The following TANC2 variants were observed in gnomAD, a reference collection of about 807,000 sequenced individuals.
The protein encoded by TANC2 is protein TANC2.
In TANC2, 26 loss-of-function variants were observed where a neutral mutation model predicts 210.5. That is an observed-to-expected ratio of 0.12 (90% CI 0.09 to 0.17). The LOEUF (loss-of-function observed/expected upper bound fraction) is 0.17, where lower values mean the gene tolerates loss of function less well. Ranked by LOEUF, TANC2 falls within the 10% of genes least tolerant of loss-of-function variation. The pLI is 1.00. For missense variants in TANC2, 2,129 were observed against 2,608.9 expected (o/e 0.82, Z 4.01); for synonymous variants, 931 against 967.1 (o/e 0.96, Z 0.69).
chr17:63,122,152 A>G (rs1020538996), intron 4 of TANC2, among the ~76,000 whole-genome samples: 4 of 152,216 alleles, frequency 2.6e-5, no homozygotes, highest in Non-Finnish European at 4.4e-5. Context: ...GGAATATTTC[A>G]TGTCGGAACT....
chr17:63,212,738 G>A (rs1462348103), intron 7 of TANC2, among the ~76,000 whole-genome samples: 2 of 152,100 alleles, frequency 1.3e-5, no homozygotes, highest in Non-Finnish European at 2.9e-5. Context: ...GACCCTCTTT[G>A]CTTTTAAAAG....
At chr17:63,310,095 A>G (rs2045068086) in intron 9 of TANC2, among the ~76,000 whole-genome samples, 2 of 152,308 alleles carry the variant, frequency 1.3e-5, no homozygotes, top group Non-Finnish European at 2.9e-5. Context: ...GGCAGAACCC[A>G]TAAAGAAAAA....
intron 2 of TANC2, among the ~76,000 whole-genome samples, chr17:63,061,781 T>G (rs934360178): frequency 6.6e-6 from 1 of 152,152 alleles, no homozygotes; most frequent in Non-Finnish European, 1.5e-5. Context: ...TTTGTCACTT[T>G]CCTGCAAATC....
intron 2 of TANC2, among the ~76,000 whole-genome samples, chr17:63,018,318 C>T (rs557671773): frequency 2.6e-5 from 4 of 151,344 alleles, no homozygotes; most frequent in African/African-American, 7.3e-5. Context: ...TGGAGAAACC[C>T]GTCTCTACTA....
At chr17:63,360,869 C>G (rs757525661) in intron 14 of TANC2, among the ~76,000 whole-genome samples, 1 of 152,126 alleles carries the variant, frequency 6.6e-6, no homozygotes, top group Admixed American at 6.5e-5. Context: ...ATTTTTAGCT[C>G]TGACAGATAA....
chr17:63,028,914 A>G (rs1383161735), intron 2 of TANC2, among the ~76,000 whole-genome samples: 1 of 152,128 alleles, frequency 6.6e-6, no homozygotes, highest in Non-Finnish European at 1.5e-5. Context: ...TCAGTAGGAT[A>G]TATCAGTGAA....
chr17:62,993,121 T>A lies in TANC2; in HGVS notation c.-23-16416T>A, dbSNP rs73991864. Among the ~76,000 whole-genome samples the A allele has an allele frequency of 3.9e-3, 599 of 152,332 alleles. 6 individuals are homozygous for A. The highest frequency in any genetic ancestry group is 0.014 in the African/African-American group (576 of 41,568). ...TAATGACATTTGTGACTACATTGGG[T>A]CTGCCTGGGTAAAATTCAGGAAAAT... On this transcript the variant is annotated intron_variant, in intron 1 of 27. Transcript: ENST00000689528.
Position 63,082,627 on chromosome 17 carries a change from A to G in TANC2, c.139+8613A>G, listed in dbSNP as rs180894197. Among the ~76,000 whole-genome samples, 8 of 152,336 alleles carry G rather than the reference A, an allele frequency of 5.3e-5. No homozygotes were observed. The East Asian group carries it at 1.2e-3, about 22-fold the overall frequency. Reference sequence around the variant, plus strand: ...TTCTGATCGTCCTATGAATGGTACCATATATTGGCATATGTACCTACCTGT... The same window carrying G: ...TTCTGATCGTCCTATGAATGGTACCGTATATTGGCATATGTACCTACCTGT... On this transcript the variant is annotated intron_variant, in intron 3 of 27. Transcript: ENST00000689528.
At chr17:63,129,465 A>G (rs1287943737) in intron 4 of TANC2, among the ~76,000 whole-genome samples, 3 of 152,184 alleles carry the variant, frequency 2.0e-5, no homozygotes, top group African/African-American at 7.2e-5. Context: ...GAAGATGAAC[A>G]GTGTATGTCA....
chr17:63,166,547 G>C (rs1335074840), intron 5 of TANC2, among the ~76,000 whole-genome samples: 1 of 152,164 alleles, frequency 6.6e-6, no homozygotes, highest in African/African-American at 2.4e-5. Flanking sequence ...AGCTCTGAAA[G>C]AAAGGTCAGA....
chr17:63,200,909 G>A (rs1242014730), exon 7 of TANC2: 1 of 1,613,712 alleles, frequency 6.2e-7, no homozygotes, highest in Non-Finnish European at 8.5e-7. Context: ...CTATGGGGCT[G>A]TTACTAGTCC....
intron 9 of TANC2, among the ~76,000 whole-genome samples, chr17:63,294,269 G>T (rs1189265725): frequency 6.6e-6 from 1 of 152,066 alleles, no homozygotes; most frequent in African/African-American, 2.4e-5. Flanking sequence ...CTTCAGTTCA[G>T]GAGTTCGACA....
intron 4 of TANC2, among the ~76,000 whole-genome samples, chr17:63,112,345 C>G (rs972217398): frequency 6.6e-6 from 1 of 152,080 alleles, no homozygotes; most frequent in East Asian, 1.9e-4. Flanking sequence ...GTAAGTGGAA[C>G]CTGTTAATCC....
chr17:63,337,796 CA>C (rs2046086185), intron 11 of TANC2, among the ~76,000 whole-genome samples: 1 of 152,068 alleles, frequency 6.6e-6, no homozygotes, highest in Admixed American at 6.5e-5. Context: ...CGGTAGGCCC[CA>C]GTTGTTGTTT....
chr17:63,198,902 A>T lies in TANC2; in HGVS notation c.583-1869A>T, dbSNP rs1280422786. On this transcript the variant is annotated intron_variant, in intron 6 of 27. Transcript: ENST00000689528. Reference sequence around the variant, plus strand: ...AACATATAGTAGAAGAGAAATTTGGATACGTTTGAGAGCTTACTGTGTTGT... The same window carrying T: ...AACATATAGTAGAAGAGAAATTTGGTTACGTTTGAGAGCTTACTGTGTTGT... 2.0e-5 allele frequency among the ~76,000 whole-genome samples: 3 copies of T among 152,324 alleles called. No homozygotes were observed. The East Asian group carries it at 5.8e-4, about 29-fold the overall frequency.
At position 63,340,129 on chromosome 17, in the gene TANC2, A is replaced by T; in HGVS notation, c.1604A>T (p.Asp535Val). 4 of 1,613,888 alleles carry T rather than the reference A, an allele frequency of 2.5e-6. No homozygotes were observed. The highest frequency in any genetic ancestry group is 2.5e-6 in the Non-Finnish European group (3 of 1,179,884). The change falls in exon 12 of 28, where the codon GAT becomes GTT. Residue 535 changes from aspartate (D) to valine (V), a missense_variant. Transcript: ENST00000689528. ...GTTGCCTATCACTATTGTCAAGCAG[A>T]TAATGCCTACACTTGCTTGGTGCCA...
intron 2 of TANC2, among the ~76,000 whole-genome samples, chr17:63,069,551 A>G (rs560188292): frequency 1.3e-5 from 2 of 152,316 alleles, no homozygotes; most frequent in Non-Finnish European, 2.9e-5. Flanking sequence ...ACTCAGAGAA[A>G]TCATCTAAAA....
intron 7 of TANC2, among the ~76,000 whole-genome samples, chr17:63,204,026 G>T (rs1375294664): frequency 6.6e-6 from 1 of 151,494 alleles, no homozygotes; most frequent in Non-Finnish European, 1.5e-5. Context: ...AGAAGTTGTG[G>T]CAAATGTTAA....
intron 12 of TANC2, among the ~76,000 whole-genome samples, chr17:63,346,936 G>A (rs1008151898): frequency 2.0e-5 from 3 of 151,714 alleles, no homozygotes; most frequent in African/African-American, 7.3e-5. Flanking sequence ...ATACTCCTGG[G>A]CCCAAGCAGT....
Sources: gnomAD v4.1 joint callset for allele counts (sites outside exome capture counted in the v4.1 genomes callset) on GRCh38, gnomAD v4.1.1 for gene constraint, MANE v1.5 for transcripts, NCBI Gene and HGNC (gene_info 2026-07-23, HGNC 2026-07-21) for gene names.